The following CDH4 variants were observed in gnomAD, a reference collection of about 807,000 sequenced individuals.
CDH4 encodes the protein cadherin 4.
Under a neutral mutation model 86.0 loss-of-function variants are expected in CDH4, and 33 were observed. The observed-to-expected ratio is 0.38, with a 90% CI of 0.29 to 0.51. The LOEUF is 0.51. Ranked by LOEUF, CDH4 falls within the 20% of genes least tolerant of loss-of-function variation. The probability of loss-of-function intolerance (pLI) is 0.86; values close to 1 mark genes in which losing one functional copy is unlikely to be tolerated. For synonymous variants in CDH4, 555 were observed against 549.4 expected (o/e 1.01, Z -0.14); for missense variants, 1,114 against 1,307.4 (o/e 0.85, Z 2.28).
chr20:61,283,376 T>C (rs868682847), intron 2 of CDH4, among the ~76,000 whole-genome samples: 1 of 100,022 alleles, frequency 1.0e-5, no homozygotes, highest in African/African-American at 4.5e-5. Flanking sequence ...GTGTGATGTG[T>C]GTGCGTTTGC....
chr20:61,463,744 A>G (rs1040865379), intron 2 of CDH4, among the ~76,000 whole-genome samples: 1 of 152,244 alleles, frequency 6.6e-6, no homozygotes, highest in African/African-American at 2.4e-5. Context: ...GACTCTTGCA[A>G]CAGGGGAGAG....
At chr20:61,845,016 GCAGGGTGGGCC>G (rs1349636821) in intron 5 of CDH4, among the ~76,000 whole-genome samples, 193 bp downstream of exon 5, 1 of 152,252 alleles carries the variant, frequency 6.6e-6, no homozygotes, top group Non-Finnish European at 1.5e-5. Flanking sequence ...GTCTAATTCA[GCAGGGTGGGCC>G]CAGGGTGGGC....
At chr20:61,548,425 GAGA>G (rs2086104465) in intron 2 of CDH4, among the ~76,000 whole-genome samples, 2 of 152,112 alleles carry the variant, frequency 1.3e-5, no homozygotes, top group Admixed American at 6.6e-5. Flanking sequence ...GTACAAAGAG[GAGA>G]AGGAGAGCAG....
rs1171487676 is a variant in CDH4 at position 61,383,184 on chromosome 20, T to C, written c.169+128247T>C. 1.3e-4 allele frequency among the ~76,000 whole-genome samples: 11 copies of C among 86,400 alleles called. 1 individual carries two copies. Among genetic ancestry groups the C allele is most frequent in the Non-Finnish European group, 2.4e-4 (11 of 46,116 alleles). 56.7% of individuals were successfully genotyped at this position (86,400 alleles called of 152,430 possible). On this transcript the variant is annotated intron_variant, in intron 2 of 15. Transcript: ENST00000614565. ...TTATATATATGAATATATTTATGAA[T>C]ATATATGAATATATTTATATATGAA... is the stretch of plus-strand genomic sequence containing the variant.
chr20:61,344,883 T>C (rs1459366239), intron 2 of CDH4, among the ~76,000 whole-genome samples: 2 of 152,174 alleles, frequency 1.3e-5, no homozygotes, highest in Non-Finnish European at 2.9e-5. Context: ...TATAGAACAC[T>C]TCCTCGGCTT....
At chr20:61,423,526 T>C (rs368485660) in intron 2 of CDH4, among the ~76,000 whole-genome samples, 6 of 152,344 alleles carry the variant, frequency 3.9e-5, no homozygotes, top group African/African-American at 1.4e-4. Flanking sequence ...TTAGTTCTGG[T>C]GTGGTTGAAT....
In CDH4 at chr20:61,937,469, C is replaced by CTTGT. The variant is rs1428620861; in HGVS notation, c.*530_*533dup. 6.6e-6 allele frequency: 1 copy of CTTGT among 152,082 alleles called. No homozygotes were observed. Among genetic ancestry groups the CTTGT allele is most frequent in the African/African-American group, 2.4e-5 (1 of 41,396 alleles). The allele number at this position is 152,082 out of a possible 1,614,324, so 9.4% of individuals were successfully genotyped here. On this transcript the variant is annotated 3_prime_UTR_variant, in exon 16 of 16. Coordinates refer to ENST00000614565, the MANE Select transcript of CDH4 (RefSeq NM_001794.5). ...TTATTAAGAAAAAGAAAGTGGGTGACTTGTTTGAAAACAGAGTGGGGTTCA... is the reference window on the plus strand; with the variant it reads ...TTATTAAGAAAAAGAAAGTGGGTGACTTGTTTGTTTGAAAACAGAGTGGGGTTCA...
At chr20:61,700,267 G>A (rs2087760918) in intron 2 of CDH4, among the ~76,000 whole-genome samples, 1 of 152,200 alleles carries the variant, frequency 6.6e-6, no homozygotes, top group Admixed American at 6.5e-5. Context: ...CACGTCAGGG[G>A]AGCGCTCAGC....
At chr20:61,834,352 G>T (rs1271559403) in intron 4 of CDH4, among the ~76,000 whole-genome samples, 1 of 152,188 alleles carries the variant, frequency 6.6e-6, no homozygotes, top group Non-Finnish European at 1.5e-5. Context: ...CATCTTTTCT[G>T]CTGGACACTG....
intron 2 of CDH4, among the ~76,000 whole-genome samples, chr20:61,675,802 A>T (rs1472987285): frequency 6.8e-6 from 1 of 147,942 alleles, no homozygotes; most frequent in Non-Finnish European, 1.5e-5. Flanking sequence ...TCAGCCAAGC[A>T]CTCCCGTGGA....
In CDH4 at chr20:61,773,304, C is replaced by T. The variant is rs964878142; in HGVS notation, c.576+122C>T. 6 of 970,478 alleles carry T rather than the reference C, an allele frequency of 6.2e-6. No individual in the cohort carries two copies. The African/African-American group carries it at 9.8e-5, about 16-fold the overall frequency. 60.1% of individuals were successfully genotyped at this position (970,478 alleles called of 1,614,324 possible). On this transcript the variant is annotated intron_variant, in intron 4 of 15. Coordinates refer to ENST00000614565, the MANE Select transcript of CDH4 (RefSeq NM_001794.5). The stretch of plus-strand genomic sequence containing the variant: ...TGTCTGAGAAGGTCGCGATTTCACC[C>T]TTTCTGTAATGAGATAAGCCTTACA...
Position 61,623,829 on chromosome 20 carries a change from C to T in CDH4, c.170-119734C>T, listed in dbSNP as rs1006941889. On this transcript the variant is annotated intron_variant, in intron 2 of 15. Transcript: ENST00000614565. The surrounding 1 kb of genome is among the most constrained non-coding windows in gnomAD (Gnocchi z 4.4). ...CCCCAGAATCTGAGCAGGAAGGACA[C>T]GGTTCCTAGAGCGAGGAACACCCCA... Among the ~76,000 whole-genome samples the T allele has an allele frequency of 6.6e-6, 1 of 151,758 alleles. No individual in the cohort carries two copies. The highest frequency in any genetic ancestry group is 1.5e-5 in the Non-Finnish European group (1 of 67,930).
At chr20:61,858,772 G>A (rs113895041) in intron 6 of CDH4, among the ~76,000 whole-genome samples, 9,039 of 152,222 alleles carry the variant, frequency 0.059, 851 homozygotes, top group African/African-American at 0.2. Context: ...GTAGAATTCC[G>A]TGGCCTGGGT....
chr20:61,555,969 C>A (rs555596352), intron 2 of CDH4, among the ~76,000 whole-genome samples: 94 of 152,310 alleles, frequency 6.2e-4, no homozygotes, highest in African/African-American at 2.1e-3. Flanking sequence ...TAAAGAAAGA[C>A]AGCACATTGT....
intron 2 of CDH4, chr20:61,436,564 A>AGTCAGCAGGG (rs1012226849): frequency 1.3e-5 from 2 of 152,478 alleles, no homozygotes; most frequent in East Asian, 1.9e-4. Flanking sequence ...TCTGTCATGG[A>AGTCAGCAGGG]GTCAGCAGGG....
chr20:61,912,305 G>C (rs937171318), intron 9 of CDH4, among the ~76,000 whole-genome samples: 1 of 152,210 alleles, frequency 6.6e-6, no homozygotes, highest in Non-Finnish European at 1.5e-5. Flanking sequence ...AGGGGAGCTA[G>C]ATGTTAGGAG....
chr20:61,705,023 G>A (rs146839001), intron 2 of CDH4, among the ~76,000 whole-genome samples: 2 of 152,236 alleles, frequency 1.3e-5, no homozygotes, highest in African/African-American at 4.8e-5. Context: ...AACGCGTTGG[G>A]GCTCAAAGGT....
intron 2 of CDH4, among the ~76,000 whole-genome samples, chr20:61,556,451 G>C (rs1403276411): frequency 6.6e-6 from 1 of 152,160 alleles, no homozygotes; most frequent in Non-Finnish European, 1.5e-5. Context: ...TGGGTGTTCT[G>C]CACACAGACT....
intron 2 of CDH4, among the ~76,000 whole-genome samples, chr20:61,479,546 C>A (rs899455757): frequency 6.6e-6 from 1 of 152,164 alleles, no homozygotes; most frequent in Non-Finnish European, 1.5e-5. Context: ...AGACTTGGAA[C>A]CAACCCAAAT....
Sources: gnomAD v4.1 joint callset for allele counts (sites outside exome capture counted in the v4.1 genomes callset) on GRCh38, gnomAD v4.1.1 for gene constraint, Gnocchi (gnomAD v3.1) non-coding constraint, MANE v1.5 for transcripts, NCBI Gene and HGNC (gene_info 2026-07-23, HGNC 2026-07-21) for gene names.